The following ACTN3 variants were observed in gnomAD, a reference collection of about 807,000 sequenced individuals.
ACTN3 encodes alpha-actinin-3.
ACTN3 carries 91 observed loss-of-function variants against 119.6 expected under a neutral mutation model. That is an observed-to-expected ratio of 0.76 (90% confidence interval 0.64 to 0.91). The LOEUF (loss-of-function observed/expected upper bound fraction) is 0.91, where lower values mean the gene tolerates loss of function less well. Among genes scored for constraint, ACTN3 ranks in the 40% least tolerant of loss-of-function variants. ACTN3 has a pLI of 0.00. For synonymous variants in ACTN3, 456 were observed against 478.8 expected, an observed-to-expected ratio of 0.95 and a Z score of 0.62; for missense variants, 1,221 against 1,215.1, an observed-to-expected ratio of 1.00 and a Z score of -0.07.
At position 66,562,052 on chromosome 11, in the gene ACTN3, AC is replaced by A; in HGVS notation, c.2208del (p.Ser737ProfsTer14). 6.2e-7 allele frequency: 1 copy of A among 1,612,874 alleles called. No homozygotes were observed. The highest frequency in any genetic ancestry group is 8.5e-7 in the Non-Finnish European group (1 of 1,179,558). On this transcript the variant is annotated frameshift_variant, in exon 18 of 21. Transcript: ENST00000513398. LOFTEE classifies it high-confidence loss of function. Reference sequence around the variant, plus strand: ...CCGCGTGGGCTGGGAGCAGCTGCTCACCTCCATTGCCCGCACCATCAATGAA... The same window carrying A: ...CCGCGTGGGCTGGGAGCAGCTGCTCACTCCATTGCCCGCACCATCAATGAA... ...HIRVGWEQLL[T>X]SIARTINEVE...
chr11:66,549,112 C>T (rs1176751323), intron 1 of ACTN3, among the ~76,000 whole-genome samples: 1 of 152,240 alleles, frequency 6.6e-6, no homozygotes, highest in Admixed American at 6.5e-5. Context: ...GCCTGCCTCT[C>T]ACCACTTATA....
At position 66,551,565 on chromosome 11, in the gene ACTN3, C is replaced by T. The variant is rs773749469; in HGVS notation, c.300C>T (p.Arg100=). The T allele has an allele frequency of 1.2e-6, 2 of 1,614,146 alleles. No individual in the cohort carries two copies. Among genetic ancestry groups the T allele is most frequent in the Non-Finnish European group, 1.7e-6 (2 of 1,180,024 alleles). The change falls in exon 3 of 21, where the codon CGC becomes CGT. Residue 100 remains arginine, a synonymous_variant. Coordinates refer to ENST00000513398, the MANE Select transcript of ACTN3 (RefSeq NM_001104.4). ...CTAGGCCAGATAAAGGCAAGATGCG[C>T]TTCCACAAAATCGCCAACGTTAACA... ...RLPRPDKGKM[R]FHKIANVNKA... is the part of the protein sequence containing the mutation.
At position 66,546,918 on chromosome 11, in the gene ACTN3, A is replaced by ACAGG; in HGVS notation, c.-20_-19insCAGG. 1 of 1,534,736 alleles carries ACAGG rather than the reference A, an allele frequency of 6.5e-7. No individual in the cohort carries two copies. Among genetic ancestry groups the ACAGG allele is most frequent in the Non-Finnish European group, 8.7e-7 (1 of 1,144,318 alleles). ...GTCCGAGAGCGTGCCGAGCGGAGCG[A>ACAGG]AGCCAGGAGCCCGATCGAGATGATG... On this transcript the variant is annotated 5_prime_UTR_variant, in exon 1 of 21. Coordinates refer to ENST00000513398, the MANE Select transcript of ACTN3 (RefSeq NM_001104.4).
chr11:66,551,171 G>C (rs1857460410), intron 1 of ACTN3, 68 bp from the exon 2 acceptor site: 1 of 1,144,610 alleles, frequency 8.7e-7, no homozygotes, highest in Non-Finnish European at 1.3e-6. Flanking sequence ...CCTGACTGAG[G>C]AGACAGGACT....
intron 14 of ACTN3, 44 bp downstream of exon 14, chr11:66,560,355 C>T (rs1416573547): frequency 6.3e-7 from 1 of 1,582,852 alleles, no homozygotes; most frequent in East Asian, 2.3e-5. Context: ...GACAGGAAAG[C>T]TGGCCCCAAA....
rs375292387 is a variant in ACTN3 at position 66,560,016 on chromosome 11, C to A, written c.1476C>A (p.Ala492=). 6 of 1,604,472 alleles carry A rather than the reference C, an allele frequency of 3.7e-6. No individual in the cohort carries two copies. The highest frequency in any genetic ancestry group is 2.2e-5 in the East Asian group (1 of 44,666). The change falls in exon 13 of 21, where the codon GCC becomes GCA. Residue 492 remains alanine, a synonymous_variant. Transcript: ENST00000513398. ...EAASVNSRCQ[A]ICDQWDNLGT... ...CCTCAGTGAATAGCCGCTGCCAGGC[C>A]ATCTGCGATCAGTGGGACAACCTGG...
intron 5 of ACTN3, 74 bp from the exon 6 acceptor site, chr11:66,555,056 G>T (rs1240283924): frequency 7.5e-7 from 1 of 1,330,810 alleles, no homozygotes; most frequent in East Asian, 2.4e-5. Context: ...CCTTCTGGGG[G>T]GTGCTCCTGG....
chr11:66,548,932 C>A (rs1233577350), intron 1 of ACTN3, among the ~76,000 whole-genome samples: 1 of 152,196 alleles, frequency 6.6e-6, no homozygotes, highest in East Asian at 1.9e-4. Flanking sequence ...TCACTTCTGC[C>A]TTCTGCCACG....
chr11:66,554,118 C>T lies in ACTN3; in HGVS notation c.456C>T (p.Asp152=). The T allele has an allele frequency of 6.2e-7, 1 of 1,613,770 alleles. No individual in the cohort carries two copies. Among genetic ancestry groups the T allele is most frequent in the Non-Finnish European group, 8.5e-7 (1 of 1,179,900 alleles). The stretch of plus-strand genomic sequence containing the variant: ...TCATCCTTCGCTTCGCCATCCAGGA[C>T]ATCTCTGTGGAAGGTGAGCAATGGG... The part of the protein sequence containing the change: ...WTIILRFAIQ[D]ISVEETSAKE... Residue 152 remains aspartate (D), a synonymous_variant, in exon 4 of 21, where the codon GAC becomes GAT. Coordinates refer to ENST00000513398, the MANE Select transcript of ACTN3 (RefSeq NM_001104.4).
chr11:66,546,953 C>G lies in ACTN3; in HGVS notation c.16C>G (p.Gln6Glu). 1 of 1,535,604 alleles carries G rather than the reference C, an allele frequency of 6.5e-7. No homozygotes were observed. Among genetic ancestry groups the G allele is most frequent in the Non-Finnish European group, 8.7e-7 (1 of 1,146,174 alleles). ...CCCGATCGAGATGATGATGGTTATGCAGCCCGAGGGTCTGGGGGCCGGGGA... is the reference window on the plus strand; with the variant it reads ...CCCGATCGAGATGATGATGGTTATGGAGCCCGAGGGTCTGGGGGCCGGGGA... MMMVM[Q>E]PEGLGAGEGR... Residue 6 changes from glutamine (Q) to glutamate (E), a missense_variant, in exon 1 of 21, where the codon CAG becomes GAG. Physicochemically the swap from Gln to Glu is conservative, Grantham distance 29. Transcript: ENST00000513398.
At chr11:66,552,868 TCTCTCTCTCTCTCA>T (rs1260857283) in intron 3 of ACTN3, among the ~76,000 whole-genome samples, 16 of 89,756 alleles carry the variant, frequency 1.8e-4, no homozygotes, top group South Asian at 2.7e-4. Context: ...TCTCTCTCTC[TCTCTCTCTCTCTCA>T]CACACACACA....
intron 11 of ACTN3, among the ~76,000 whole-genome samples, chr11:66,558,597 G>A (rs1265014979): frequency 2.6e-5 from 4 of 152,010 alleles, no homozygotes; most frequent in Non-Finnish European, 2.9e-5. Context: ...CAAACTCCTG[G>A]ACTCGAGTGA....
chr11:66,555,321 G>C lies in ACTN3; in HGVS notation c.672G>C (p.Glu224Asp), dbSNP rs376771744. ...TCGGAAACCTGAACACTGCCTTTGA[G>C]GTGGCAGAGAAATACCTGGACATCC... ...DPIGNLNTAF[E>D]VAEKYLDIPK... The change falls in exon 7 of 21, where the codon GAG becomes GAC. Residue 224 changes from glutamate (E) to aspartate (D), a missense_variant. Transcript: ENST00000513398. 1.2e-4 allele frequency: 200 copies of C among 1,614,092 alleles called. 2 individuals carry two copies. The South Asian group carries it at 2.1e-3, about 17-fold the overall frequency.
Position 66,556,609 on chromosome 11 carries a change from G to T in ACTN3, c.804+379G>T, listed in dbSNP as rs11823504. 6.7e-3 allele frequency among the ~76,000 whole-genome samples: 1,021 copies of T among 152,056 alleles called. 16 individuals carry two copies. The highest frequency in any genetic ancestry group is 0.022 in the African/African-American group (919 of 41,492). ...GTGCTACCACACCTGACTAATTTTTGTATTTTTTGTAGAGATAGTGTTTCA... is the reference window on the plus strand; with the variant it reads ...GTGCTACCACACCTGACTAATTTTTTTATTTTTTGTAGAGATAGTGTTTCA... On this transcript the variant is annotated intron_variant, in intron 8 of 20. Transcript: ENST00000513398.
intron 3 of ACTN3, among the ~76,000 whole-genome samples, chr11:66,552,870 TCTCTCTCTCTCACACA>T (rs1565304354): frequency 1.8e-5 from 2 of 110,486 alleles, no homozygotes; most frequent in Non-Finnish European, 1.8e-5. Flanking sequence ...TCTCTCTCTC[TCTCTCTCTCTCACACA>T]CACACACACA....
Position 66,563,124 on chromosome 11 carries a change from C to T in ACTN3, c.2637C>T (p.Ser879=), listed in dbSNP as rs757064285. The change falls in exon 21 of 21, where the codon TCC becomes TCT. Residue 879 remains serine (S), a synonymous_variant. Coordinates refer to ENST00000513398, the MANE Select transcript of ACTN3 (RefSeq NM_001104.4). ...GCCGTATGGTGCCCTACAAGGGATC[C>T]GGGGCCCCGGCTGGAGCCCTGGACT... ...CIRRMVPYKG[S]GAPAGALDYV... 46 of 1,613,212 alleles carry T rather than the reference C, an allele frequency of 2.9e-5. No individual in the cohort carries two copies. Among genetic ancestry groups the T allele is most frequent in the Middle Eastern group, 1.6e-4 (1 of 6,084 alleles).
At chr11:66,562,203 T>G (rs374241099) in intron 18 of ACTN3, 35 bp downstream of exon 18, 2 of 1,613,866 alleles carry the variant, frequency 1.2e-6, no homozygotes, top group Non-Finnish European at 8.5e-7. Context: ...GGTAAGACAC[T>G]TGGGGGCTGG....
At position 66,563,075 on chromosome 11, in the gene ACTN3, C is replaced by A. The variant is rs749829838; in HGVS notation, c.2588C>A (p.Ala863Asp). The A allele has an allele frequency of 8.1e-6, 13 of 1,612,982 alleles. No individual in the cohort carries two copies. The East Asian group carries it at 1.3e-4, about 17-fold the overall frequency. ...GAGGAGCTGCGGCGCGAGCTCCCTG[C>A]CAAGCAGGCCGAGTACTGCATCCGC... ...TPEELRRELP[A>D]KQAEYCIRRM... The change falls in exon 21 of 21, where the codon GCC becomes GAC. Residue 863 changes from alanine (A) to aspartate (D), a missense_variant. Coordinates refer to ENST00000513398, the MANE Select transcript of ACTN3 (RefSeq NM_001104.4).
Position 66,546,985 on chromosome 11 carries a change from C to T in ACTN3, c.48C>T (p.Arg16=). 6.6e-7 allele frequency: 1 copy of T among 1,521,778 alleles called. No homozygotes were observed. The highest frequency in any genetic ancestry group is 8.8e-7 in the Non-Finnish European group (1 of 1,138,532). 94.3% of individuals were successfully genotyped at this position (1,521,778 alleles called of 1,614,324 possible). A position where few individuals can be genotyped will look rare whatever the true frequency, so the allele number is the denominator to read the frequency against. The stretch of plus-strand genomic sequence containing the variant: ...AGGGTCTGGGGGCCGGGGAGGGGCG[C>T]TTTGCGGGCGGCGGCGGGGGCGGCG... ...QPEGLGAGEG[R]FAGGGGGGEY... The change falls in exon 1 of 21, where the codon CGC becomes CGT. Residue 16 remains arginine, a synonymous_variant. Coordinates refer to ENST00000513398, the MANE Select transcript of ACTN3 (RefSeq NM_001104.4).
Sources: allele counts gnomAD v4.1 joint callset (sites outside exome capture counted in the v4.1 genomes callset), GRCh38; gene constraint gnomAD v4.1.1; transcripts MANE v1.5; gene names NCBI Gene and HGNC (gene_info 2026-07-23, HGNC 2026-07-21).